The following ARHGAP44 variants were observed in gnomAD, a reference collection of about 807,000 sequenced individuals.
The protein encoded by ARHGAP44 is rho GTPase-activating protein 44.
A neutral mutation model predicts 106.8 loss-of-function variants in ARHGAP44; 43 were observed. The ratio of observed to expected loss-of-function variants is 0.40; its 90% CI spans 0.32 to 0.52. ARHGAP44 has a LOEUF of 0.52. Among genes scored for constraint, ARHGAP44 ranks in the 20% least tolerant of loss-of-function variants. ARHGAP44 has a pLI of 0.48. For synonymous variants in ARHGAP44, 439 were observed against 410.3 expected, an observed-to-expected ratio of 1.07 and a Z score of -0.85; for missense variants, 866 against 1,050.5, an observed-to-expected ratio of 0.82 and a Z score of 2.43.
intron 1 of ARHGAP44, among the ~76,000 whole-genome samples, chr17:12,887,362 A>G (rs1598000239): frequency 2.0e-5 from 3 of 151,958 alleles, no homozygotes; most frequent in East Asian, 3.9e-4. Flanking sequence ...CCGAGTGGCT[A>G]GGACTACAGG....
intron 19 of ARHGAP44, among the ~76,000 whole-genome samples, chr17:12,981,693 C>T (rs373651093): frequency 1.2e-4 from 18 of 151,872 alleles, no homozygotes; most frequent in South Asian, 6.2e-4. Context: ...CCACTGTACC[C>T]GGCCAGGCAC....
chr17:12,803,692 CT>C (rs1170671239), intron 1 of ARHGAP44, among the ~76,000 whole-genome samples: 1 of 152,070 alleles, frequency 6.6e-6, no homozygotes, highest in Non-Finnish European at 1.5e-5. Context: ...GGACTCCTTT[CT>C]TTGTATTCTT....
At chr17:12,794,309 T>A (rs189398972) in intron 1 of ARHGAP44, among the ~76,000 whole-genome samples, 3 of 152,162 alleles carry the variant, frequency 2.0e-5, no homozygotes, top group Admixed American at 2.0e-4. Context: ...TTTTCCAGTC[T>A]GCACAGTGGG....
At chr17:12,934,093 C>T (rs1316634588) in intron 7 of ARHGAP44, among the ~76,000 whole-genome samples, 7 of 151,934 alleles carry the variant, frequency 4.6e-5, no homozygotes, top group Non-Finnish European at 7.4e-5. Flanking sequence ...GTGATCCACC[C>T]GCCTCAGCCT....
intron 7 of ARHGAP44, among the ~76,000 whole-genome samples, chr17:12,938,701 A>G (rs2038623326): frequency 6.6e-6 from 1 of 152,094 alleles, no homozygotes; most frequent in African/African-American, 2.4e-5. Flanking sequence ...TTCAAAATGC[A>G]TTAAATTCTG....
chr17:12,818,502 A>G (rs1025498676), intron 1 of ARHGAP44, among the ~76,000 whole-genome samples: 9 of 152,134 alleles, frequency 5.9e-5, no homozygotes, highest in Admixed American at 2.6e-4. Flanking sequence ...AGAAAAATAA[A>G]TAAAAGACAT....
chr17:12,812,743 A>T (rs1383475137), intron 1 of ARHGAP44, among the ~76,000 whole-genome samples: 1 of 152,214 alleles, frequency 6.6e-6, no homozygotes, highest in Non-Finnish European at 1.5e-5. Flanking sequence ...AAAAGTTGTG[A>T]ACAGTGCTTC....
intron 14 of ARHGAP44, 27 bp from the exon 15 acceptor site, chr17:12,956,628 C>G: frequency 6.2e-7 from 1 of 1,604,892 alleles, no homozygotes; most frequent in Non-Finnish European, 8.5e-7. Context: ...TAACTCCACC[C>G]TGTTTGCCTC....
At chr17:12,865,116 G>A (rs534458670) in intron 1 of ARHGAP44, among the ~76,000 whole-genome samples, 5 of 152,316 alleles carry the variant, frequency 3.3e-5, no homozygotes, top group Admixed American at 2.0e-4. Flanking sequence ...CAAACTACAT[G>A]TATAGACATT....
In ARHGAP44 at chr17:12,946,628, G is replaced by A. The variant is rs572264695; in HGVS notation, c.861+2432G>A. Among the ~76,000 whole-genome samples the A allele has an allele frequency of 4.7e-4, 71 of 151,902 alleles. No homozygotes were observed. In the South Asian group the frequency reaches 0.014, roughly 30 times the overall value. ...AGCCTGGCCAACATGGTGAAACCCC[G>A]TCTCTACTAAAAATACAAAAATTAG... On this transcript the variant is annotated intron_variant, in intron 10 of 20. Transcript: ENST00000379672.
At chr17:12,789,957 G>T (rs932295744) in intron 1 of ARHGAP44, 66 bp downstream of exon 1, 157 of 1,424,622 alleles carry the variant, frequency 1.1e-4, no homozygotes, top group Non-Finnish European at 1.4e-4. Context: ...GGGCGCGCAG[G>T]TGATGGAGCC....
At chr17:12,824,671 T>G (rs1015437134) in intron 1 of ARHGAP44, among the ~76,000 whole-genome samples, 2 of 152,228 alleles carry the variant, frequency 1.3e-5, no homozygotes, top group Middle Eastern at 3.4e-3. Context: ...GGATAATAAT[T>G]ATTTTCGGTG....
At chr17:12,836,856 T>C (rs960172207) in intron 1 of ARHGAP44, among the ~76,000 whole-genome samples, 1 of 152,154 alleles carries the variant, frequency 6.6e-6, no homozygotes, top group East Asian at 1.9e-4. Flanking sequence ...CTCTTAGTTA[T>C]TGATAGAATC....
chr17:12,913,380 C>A (rs1166421636), intron 4 of ARHGAP44, among the ~76,000 whole-genome samples: 1 of 151,656 alleles, frequency 6.6e-6, no homozygotes, highest in Non-Finnish European at 1.5e-5. Flanking sequence ...CCAGGGAGAA[C>A]AAATAAGTGT....
At chr17:12,968,225 G>A (rs570035931) in intron 16 of ARHGAP44, among the ~76,000 whole-genome samples, 2 of 152,278 alleles carry the variant, frequency 1.3e-5, no homozygotes, top group East Asian at 1.9e-4. Flanking sequence ...TCGGGTGCTT[G>A]AATGTTTTTA....
At chr17:12,802,527 G>A (rs2034124793) in intron 1 of ARHGAP44, among the ~76,000 whole-genome samples, 1 of 152,042 alleles carries the variant, frequency 6.6e-6, no homozygotes, top group African/African-American at 2.4e-5. Context: ...GAATTCTTTC[G>A]ATTGACAGTC....
intron 1 of ARHGAP44, among the ~76,000 whole-genome samples, chr17:12,806,244 T>A (rs911014276): frequency 2.0e-5 from 3 of 152,106 alleles, no homozygotes; most frequent in African/African-American, 4.8e-5. Context: ...TAGTGGGGGC[T>A]TGGAAGAAAG....
chr17:12,965,283 A>G (rs2039362613), intron 16 of ARHGAP44, among the ~76,000 whole-genome samples: 2 of 152,104 alleles, frequency 1.3e-5, no homozygotes, highest in South Asian at 4.1e-4. Context: ...CTGTCATTAC[A>G]CTTGCTCCAC....
At chr17:12,816,747 T>G (rs777691152) in intron 1 of ARHGAP44, among the ~76,000 whole-genome samples, 1 of 152,000 alleles carries the variant, frequency 6.6e-6, no homozygotes, top group Non-Finnish European at 1.5e-5. Context: ...GAATAGAGGC[T>G]CAAAATACAT....
Sources: allele counts gnomAD v4.1 joint callset (sites outside exome capture counted in the v4.1 genomes callset), GRCh38; gene constraint gnomAD v4.1.1; transcripts MANE v1.5; gene names NCBI Gene and HGNC (gene_info 2026-07-23, HGNC 2026-07-21).